Variants in MACROD2 observed in about 807,000 individuals in gnomAD.
MACROD2 encodes mono-ADP ribosylhydrolase 2.
A neutral mutation model predicts 70.4 loss-of-function variants in MACROD2; 36 were observed. The ratio of observed to expected loss-of-function variants is 0.51; its 90% CI spans 0.39 to 0.68. The LOEUF is 0.68. MACROD2 is among the 30% of genes least tolerant of loss of function. The pLI is 0.00. For missense variants in MACROD2, 496 were observed against 538.4 expected (o/e 0.92, Z 0.78); for synonymous variants, 172 against 178.8 (o/e 0.96, Z 0.30).
intron 5 of MACROD2, among the ~76,000 whole-genome samples, chr20:14,957,404 G>A (rs1329902222): frequency 6.6e-6 from 1 of 152,116 alleles, no homozygotes; most frequent in African/African-American, 2.4e-5. Context: ...TTATAATAGC[G>A]AGTACTAATA....
intron 5 of MACROD2, among the ~76,000 whole-genome samples, chr20:14,938,003 G>GT (rs56254441): frequency 0.089 from 12,058 of 135,606 alleles, 613 homozygotes; most frequent in South Asian, 0.21. Context: ...CAGATAACAA[G>GT]TTTTTTTTTT....
intron 8 of MACROD2, among the ~76,000 whole-genome samples, chr20:15,785,608 T>C (rs1036429461): frequency 6.6e-6 from 1 of 151,222 alleles, no homozygotes; most frequent in African/African-American, 2.4e-5. Flanking sequence ...AGGGGAGGAG[T>C]GTTCTCTGAG....
intron 3 of MACROD2, among the ~76,000 whole-genome samples, chr20:14,393,956 C>G (rs758167967): frequency 2.5e-4 from 38 of 152,276 alleles, no homozygotes; most frequent in Non-Finnish European, 4.7e-4. Flanking sequence ...AGTTGACCAC[C>G]TGCAAGTCAG....
At chr20:15,027,257 T>C (rs1039803518) in intron 5 of MACROD2, among the ~76,000 whole-genome samples, 1 of 152,220 alleles carries the variant, frequency 6.6e-6, no homozygotes, top group Non-Finnish European at 1.5e-5. Flanking sequence ...TATAGGCATG[T>C]CCATCTCTTT....
chr20:15,164,178 T>TA lies in MACROD2; in HGVS notation c.419-65755dup, dbSNP rs567679222. Among the ~76,000 whole-genome samples, 586 of 152,166 alleles carry TA rather than the reference T, an allele frequency of 3.9e-3. 6 individuals are homozygous for TA. Among genetic ancestry groups the TA allele is most frequent in the African/African-American group, 0.013 (554 of 41,524 alleles). ...AATCAACTGTGGATAGAAAATATTT[T>TA]AAAAAAATAAAACAAAAGTTACAAT... On this transcript the variant is annotated intron_variant, in intron 5 of 17. Transcript: ENST00000684519.
At chr20:15,727,442 A>T (rs1013330717) in intron 8 of MACROD2, among the ~76,000 whole-genome samples, 3 of 122,352 alleles carry the variant, frequency 2.5e-5, no homozygotes, top group African/African-American at 8.1e-5. Flanking sequence ...TTTCATATAA[A>T]TTATAAAATA....
chr20:15,940,024 A>G (rs1464691429), intron 12 of MACROD2, among the ~76,000 whole-genome samples: 1 of 151,164 alleles, frequency 6.6e-6, no homozygotes, highest in African/African-American at 2.5e-5. Flanking sequence ...ATTTATTAAG[A>G]AAAAAAAGTG....
At chr20:15,564,562 G>A (rs538595511) in intron 8 of MACROD2, among the ~76,000 whole-genome samples, 4 of 152,148 alleles carry the variant, frequency 2.6e-5, no homozygotes, top group Non-Finnish European at 4.4e-5. Flanking sequence ...TGTAGGTACC[G>A]TGTCAACAAA....
chr20:15,364,072 A>T (rs560855154), intron 6 of MACROD2, among the ~76,000 whole-genome samples: 56 of 152,320 alleles, frequency 3.7e-4, no homozygotes, highest in African/African-American at 1.2e-3. Context: ...AAATTTCCAG[A>T]TGTGAGCCTG....
chr20:14,469,952 A>G (rs2084507583), intron 3 of MACROD2, among the ~76,000 whole-genome samples: 2 of 152,028 alleles, frequency 1.3e-5, no homozygotes, highest in African/African-American at 4.8e-5. Context: ...CTCATTCTCC[A>G]TCCAGTTTTG....
chr20:14,341,510 G>A (rs984560623), intron 3 of MACROD2, among the ~76,000 whole-genome samples: 17 of 151,960 alleles, frequency 1.1e-4, no homozygotes, highest in Non-Finnish European at 1.8e-4. Context: ...GTGGTGGCAC[G>A]TGCCTGTAAT....
At chr20:15,759,037 A>G (rs1418138296) in intron 8 of MACROD2, among the ~76,000 whole-genome samples, 3 of 151,360 alleles carry the variant, frequency 2.0e-5, no homozygotes, top group Non-Finnish European at 2.9e-5. Flanking sequence ...AATCCCAGCT[A>G]CTCAGGAGAC....
chr20:14,828,952 CCTT>C (rs1325108199), intron 5 of MACROD2, among the ~76,000 whole-genome samples: 2 of 144,714 alleles, frequency 1.4e-5, no homozygotes, highest in East Asian at 4.1e-4. Flanking sequence ...ACTATTTTTT[CCTT>C]CTTTTTTTTT....
chr20:14,131,153 A>AT (rs1447762300), intron 3 of MACROD2, among the ~76,000 whole-genome samples: 3 of 152,062 alleles, frequency 2.0e-5, no homozygotes, highest in Non-Finnish European at 4.4e-5. Context: ...GTTATGGAAG[A>AT]TTTTTTAAAA....
At position 15,674,725 on chromosome 20, in the gene MACROD2, T is replaced by TTG. The variant is rs575270044; in HGVS notation, c.645+174890_645+174891dup. Among the ~76,000 whole-genome samples the TTG allele has an allele frequency of 8.9e-3, 1,304 of 147,312 alleles. 12 individuals are homozygous for TTG. Among genetic ancestry groups the TTG allele is most frequent in the Non-Finnish European group, 0.014 (917 of 67,126 alleles). ...GTCAAACTGTAGCCAAAAAGTGTGT[T>TTG]TGTGTGTGTGTGTCTATGTGTGTGT... On this transcript the variant is annotated intron_variant, in intron 8 of 17. Transcript: ENST00000684519.
intron 5 of MACROD2, among the ~76,000 whole-genome samples, chr20:14,746,080 A>G (rs1257018423): frequency 1.3e-5 from 2 of 152,086 alleles, no homozygotes; most frequent in East Asian, 3.9e-4. Flanking sequence ...TAGGAAGGTG[A>G]TATTTATTTC....
chr20:14,282,852 G>T (rs1336737095), intron 3 of MACROD2, among the ~76,000 whole-genome samples: 9 of 152,136 alleles, frequency 5.9e-5, no homozygotes, highest in African/African-American at 2.2e-4. Context: ...AGGCCATGAG[G>T]GATCTGCTCC....
chr20:14,752,263 T>C (rs1448032902), intron 5 of MACROD2, among the ~76,000 whole-genome samples: 1 of 151,992 alleles, frequency 6.6e-6, no homozygotes, highest in Non-Finnish European at 1.5e-5. Context: ...CACCTCAGAC[T>C]CAACTTAAGC....
At chr20:14,042,312 G>T (rs963166914) in intron 2 of MACROD2, among the ~76,000 whole-genome samples, 7 of 152,030 alleles carry the variant, frequency 4.6e-5, no homozygotes, top group Admixed American at 4.6e-4. Context: ...GAGATCTTTG[G>T]GCCTTCAATC....
Sources: gnomAD v4.1 joint callset for allele counts (sites outside exome capture counted in the v4.1 genomes callset) on GRCh38, gnomAD v4.1.1 for gene constraint, MANE v1.5 for transcripts, NCBI Gene and HGNC (gene_info 2026-07-23, HGNC 2026-07-21) for gene names.